CFAP44: variants seen among roughly 807,000 people sequenced by gnomAD.
CFAP44 encodes the protein cilia and flagella associated protein 44.
CFAP44 carries 134 observed loss-of-function variants against 216.2 expected under a neutral mutation model. The observed-to-expected ratio is 0.62, with a 90% CI of 0.54 to 0.72. CFAP44 has a LOEUF of 0.72. Among genes scored for constraint, CFAP44 ranks in the 30% least tolerant of loss-of-function variants. CFAP44 has a pLI of 0.00. For synonymous variants in CFAP44, 700 were observed against 727.6 expected, an observed-to-expected ratio of 0.96 and a Z score of 0.61; for missense variants, 2,035 against 2,182.1, an observed-to-expected ratio of 0.93 and a Z score of 1.34.
chr3:113,424,706 T>G (rs1000656462), intron 4 of CFAP44, among the ~76,000 whole-genome samples: 4 of 152,188 alleles, frequency 2.6e-5, no homozygotes, highest in Non-Finnish European at 5.9e-5. Context: ...GGTAAGCTAC[T>G]TTGTGATTTT....
intron 28 of CFAP44, among the ~76,000 whole-genome samples, chr3:113,320,665 C>G (rs189031228): frequency 6.6e-6 from 1 of 151,816 alleles, no homozygotes; most frequent in East Asian, 1.9e-4. Context: ...AATAGACTGT[C>G]TGCAAGCTGA....
Position 113,366,031 on chromosome 3 carries a change from T to C in CFAP44, c.2715+8A>G. The C allele has an allele frequency of 1.3e-6, 2 of 1,595,924 alleles. No homozygotes were observed. The highest frequency in any genetic ancestry group is 4.5e-5 in the East Asian group (2 of 44,560). ...TGTTATTAATTAACTGGTTAATTAA[T>C]TACATACCCTGGGAGATGGAACTTT... is the stretch of plus-strand genomic sequence containing the variant. On this transcript the variant is annotated splice_region_variant and intron_variant, in intron 19 of 34. Transcript: ENST00000393845.
At chr3:113,427,069 TC>T in intron 3 of CFAP44, 117 bp downstream of exon 3, 1 of 1,107,562 alleles carries the variant, frequency 9.0e-7, no homozygotes, top group Non-Finnish European at 1.3e-6. Context: ...CTTTTATCAT[TC>T]CCACACATAT....
intron 2 of CFAP44, among the ~76,000 whole-genome samples, chr3:113,433,074 T>C (rs1184508613): frequency 6.6e-6 from 1 of 152,180 alleles, no homozygotes; most frequent in African/African-American, 2.4e-5. Context: ...CCTTTTTCTT[T>C]GCTAACTCCA....
At position 113,355,569 on chromosome 3, in the gene CFAP44, A is replaced by G. The variant is rs954083495; in HGVS notation, c.3065+3176T>C. ...AGGATGAGTTCATGTCCTTTGCAGG[A>G]ACATGGATGAAGCTGGAAACCATCA... On this transcript the variant is annotated intron_variant, in intron 22 of 34. Transcript: ENST00000393845. 2.0e-5 allele frequency among the ~76,000 whole-genome samples: 3 copies of G among 152,134 alleles called. No individual in the cohort carries two copies. The East Asian group carries it at 5.8e-4, about 29-fold the overall frequency.
chr3:113,328,183 T>C (rs914664013), intron 26 of CFAP44, among the ~76,000 whole-genome samples: 13 of 151,714 alleles, frequency 8.6e-5, no homozygotes, highest in East Asian at 7.8e-4. Context: ...CCCTTTTATA[T>C]AGTAAGCACA....
At chr3:113,318,884 A>G (rs1203021018) in intron 28 of CFAP44, among the ~76,000 whole-genome samples, 1 of 152,136 alleles carries the variant, frequency 6.6e-6, no homozygotes, top group Non-Finnish European at 1.5e-5. Flanking sequence ...TGCTGAGGGA[A>G]TAAGTTTCAA....
chr3:113,406,266 T>C (rs1370955041), intron 8 of CFAP44, among the ~76,000 whole-genome samples: 5 of 152,232 alleles, frequency 3.3e-5, no homozygotes, highest in Admixed American at 3.3e-4. Context: ...GCCACATGGT[T>C]GTATATAACC....
At chr3:113,435,780 TA>T (rs1385037336) in intron 1 of CFAP44, among the ~76,000 whole-genome samples, 6 of 151,898 alleles carry the variant, frequency 4.0e-5, no homozygotes, top group Non-Finnish European at 7.4e-5. Flanking sequence ...CTCATGTTAT[TA>T]AATTTTGTAT....
intron 15 of CFAP44, among the ~76,000 whole-genome samples, chr3:113,381,887 A>G (rs9810059): frequency 0.048 from 7,283 of 152,278 alleles, 299 homozygotes; most frequent in African/African-American, 0.11. Flanking sequence ...AATCAGGTAA[A>G]TAAATGTAAA....
chr3:113,418,298 G>A (rs977206956), intron 5 of CFAP44, among the ~76,000 whole-genome samples: 1 of 151,422 alleles, frequency 6.6e-6, no homozygotes, highest in Non-Finnish European at 1.5e-5. Context: ...TGTTGGCCAG[G>A]CTTGTCTTGA....
At chr3:113,405,929 C>A (rs16860919) in intron 8 of CFAP44, among the ~76,000 whole-genome samples, 10,982 of 152,152 alleles carry the variant, frequency 0.072, 449 homozygotes, top group East Asian at 0.15. Flanking sequence ...ATATACCATG[C>A]TTTTGAATTG....
At chr3:113,352,352 G>A (rs13065651) in intron 22 of CFAP44, among the ~76,000 whole-genome samples, 1 of 151,954 alleles carries the variant, frequency 6.6e-6, no homozygotes, top group Non-Finnish European at 1.5e-5. Context: ...TTGTTCTTTC[G>A]CTCTTCACAA....
chr3:113,371,412 C>T (rs1933159561), intron 18 of CFAP44, among the ~76,000 whole-genome samples: 1 of 152,148 alleles, frequency 6.6e-6, no homozygotes, highest in African/African-American at 2.4e-5. Context: ...ACAGAAGCCT[C>T]AGAAATACCA....
chr3:113,384,173 C>T (rs1933587146), intron 15 of CFAP44, among the ~76,000 whole-genome samples: 1 of 152,070 alleles, frequency 6.6e-6, no homozygotes, highest in Admixed American at 6.6e-5. Context: ...ATTCTCCTGC[C>T]TCAGCCTCCC....
Position 113,441,419 on chromosome 3 carries a change from G to T in CFAP44, c.-6+34C>A, listed in dbSNP as rs1430687578. 1.1e-5 allele frequency: 11 copies of T among 985,812 alleles called. No individual in the cohort carries two copies. In the African/African-American group the frequency reaches 1.9e-4, roughly 17 times the overall value. 61.1% of individuals were successfully genotyped at this position (985,812 alleles called of 1,614,324 possible). On this transcript the variant is annotated intron_variant, in intron 1 of 34. Coordinates refer to ENST00000393845, the MANE Select transcript of CFAP44 (RefSeq NM_001164496.2). Reference sequence around the variant, plus strand: ...GAGCCACAGATTTAAGGGGGAGGGTGTGGAAACTGCCGGCTGCTGAGGTCC... The same window carrying T: ...GAGCCACAGATTTAAGGGGGAGGGTTTGGAAACTGCCGGCTGCTGAGGTCC...
chr3:113,363,532 A>G lies in CFAP44; in HGVS notation c.2716T>C (p.Phe906Leu). The G allele has an allele frequency of 6.2e-7, 1 of 1,608,318 alleles. No homozygotes were observed. The highest frequency in any genetic ancestry group is 8.5e-7 in the Non-Finnish European group (1 of 1,177,402). Reference protein sequence around the residue: ...DMKAKVPSPRFGIETEPIPED... With the variant: ...DMKAKVPSPRLGIETEPIPED... ...GGAATTGGCTCTGTTTCAATTCCAA[A>G]CTATAGGAAGGGAAGTAAAAGGTTA... The change falls in exon 20 of 35, where the codon TTT (phenylalanine) becomes CTT (leucine). Residue 906 changes from phenylalanine to leucine, a missense_variant and splice_region_variant. Physicochemically the swap from Phe to Leu is conservative, Grantham distance 22. Transcript: ENST00000393845.
At chr3:113,416,673 GTA>G in intron 5 of CFAP44, 46 bp from the exon 6 acceptor site, 1 of 1,362,842 alleles carries the variant, frequency 7.3e-7, no homozygotes, top group African/African-American at 1.5e-5. Context: ...AAAGATTTTT[GTA>G]TAAATAGTCT....
At position 113,327,635 on chromosome 3, in the gene CFAP44, T is replaced by C. The variant is rs1007175364; in HGVS notation, c.4301A>G (p.Lys1434Arg). Residue 1434 changes from lysine (K) to arginine (R), a missense_variant, in exon 27 of 35, where the codon AAA becomes AGA. By Grantham distance (26) the Lys-to-Arg change is conservative. Coordinates refer to ENST00000393845, the MANE Select transcript of CFAP44 (RefSeq NM_001164496.2). Reference protein sequence around the residue: ...ILQERVNSLDKEEQYMQWKIN... With the variant: ...ILQERVNSLDREEQYMQWKIN... ...TCATACTTGCATGTACTGTTCCTCT[T>C]TGTCTAAGGAATTAACACGTTCTTG... 5.9e-6 allele frequency: 9 copies of C among 1,536,732 alleles called. No individual in the cohort carries two copies. In the Admixed American group the frequency reaches 5.9e-5, roughly 10 times the overall value.
Sources: allele counts gnomAD v4.1 joint callset (sites outside exome capture counted in the v4.1 genomes callset), GRCh38; gene constraint gnomAD v4.1.1; transcripts MANE v1.5; gene names NCBI Gene and HGNC (gene_info 2026-07-23, HGNC 2026-07-21).